MFSD11: variants seen among roughly 807,000 people sequenced by gnomAD.
MFSD11 encodes the protein UNC93-like protein MFSD11.
A neutral mutation model predicts 53.5 loss-of-function variants in MFSD11; 36 were observed. That is an observed-to-expected ratio of 0.67 (90% confidence interval 0.52 to 0.89). The LOEUF is 0.89. MFSD11 is among the 40% of genes least tolerant of loss of function. The pLI is 0.00. For missense variants in MFSD11, 530 were observed against 543.9 expected (o/e 0.97, Z 0.25); for synonymous variants, 186 against 184.9 (o/e 1.01, Z -0.05).
At chr17:76,758,581 CA>C (rs56750819) in intron 8 of MFSD11, among the ~76,000 whole-genome samples, 2,507 of 58,006 alleles carry the variant, frequency 0.043, 16 homozygotes, top group South Asian at 0.081. Flanking sequence ...GACCAGGTCT[CA>C]AAAAAAAAAA....
At chr17:76,769,253 A>G (rs1413363521) in intron 9 of MFSD11, 4 of 153,122 alleles carry the variant, frequency 2.6e-5, no homozygotes, top group African/African-American at 9.6e-5. Flanking sequence ...CTTAAACAAC[A>G]GACACTTATT....
chr17:76,765,181 A>C (rs1450853791), intron 8 of MFSD11, among the ~76,000 whole-genome samples: 2 of 152,028 alleles, frequency 1.3e-5, no homozygotes, highest in Non-Finnish European at 2.9e-5. Context: ...TAATTTTTAC[A>C]TATGGTTTGA....
intron 11 of MFSD11, among the ~76,000 whole-genome samples, chr17:76,775,841 T>C (rs2081780719): frequency 1.3e-5 from 2 of 152,362 alleles, no homozygotes; most frequent in South Asian, 2.1e-4. Flanking sequence ...GAAACACTTC[T>C]GGTCTTGATA....
intron 8 of MFSD11, among the ~76,000 whole-genome samples, chr17:76,757,519 C>T (rs2079773132): frequency 1.3e-5 from 2 of 152,136 alleles, no homozygotes; most frequent in African/African-American, 4.8e-5. Flanking sequence ...CATGACATTC[C>T]TGTGGTTGGG....
intron 8 of MFSD11, among the ~76,000 whole-genome samples, chr17:76,759,347 A>G (rs1384222427): frequency 2.0e-5 from 3 of 151,666 alleles, no homozygotes; most frequent in East Asian, 1.9e-4. Context: ...CAGTGGTTCT[A>G]TCTCAGCTCA....
chr17:76,748,464 G>A (rs538634664), intron 7 of MFSD11, among the ~76,000 whole-genome samples: 1 of 151,904 alleles, frequency 6.6e-6, no homozygotes, highest in African/African-American at 2.4e-5. Flanking sequence ...GAGGCAAGAA[G>A]ATCGCTTGAG....
chr17:76,762,872 CTT>C (rs557000394), intron 8 of MFSD11, among the ~76,000 whole-genome samples: 39 of 143,826 alleles, frequency 2.7e-4, no homozygotes, highest in Non-Finnish European at 3.1e-4. Context: ...CCCCACATTC[CTT>C]TTTTTTTTTT....
chr17:76,800,585 A>C, the MFSD11 span, among the ~76,000 whole-genome samples: 8 of 152,124 alleles, frequency 5.3e-5, no homozygotes, highest in African/African-American at 1.9e-4. Context: ...ACACATAATA[A>C]CCTGTTTGAA....
the MFSD11 span, among the ~76,000 whole-genome samples, chr17:76,798,268 G>T: frequency 1.7e-4 from 26 of 152,250 alleles, 2 homozygotes; most frequent in East Asian, 5.0e-3. Context: ...AGATGTGTAA[G>T]GTGAGCTTGG....
At chr17:76,753,222 T>C (rs1315601069) in intron 7 of MFSD11, among the ~76,000 whole-genome samples, 2 of 152,138 alleles carry the variant, frequency 1.3e-5, no homozygotes, top group African/African-American at 4.8e-5. Context: ...GAATGAAAGC[T>C]AACTTCAAGA....
chr17:76,803,435 A>G, the MFSD11 span, among the ~76,000 whole-genome samples: 1 of 152,198 alleles, frequency 6.6e-6, no homozygotes, highest in African/African-American at 2.4e-5. Context: ...GGACTAACAA[A>G]TTAGCCACAA....
At chr17:76,747,779 G>C (rs1449652769) in intron 7 of MFSD11, among the ~76,000 whole-genome samples, 1 of 152,166 alleles carries the variant, frequency 6.6e-6, no homozygotes, top group Non-Finnish European at 1.5e-5. Flanking sequence ...GCCCATCCCT[G>C]TTTTTAAGGA....
At chr17:76,744,209 A>G in intron 6 of MFSD11, 113 bp from the exon 7 acceptor site, 1 of 1,021,042 alleles carries the variant, frequency 9.8e-7, no homozygotes, top group East Asian at 2.8e-5. Context: ...GATGCATTAA[A>G]GTAAAAATGT....
the MFSD11 span, among the ~76,000 whole-genome samples, chr17:76,790,685 T>C: frequency 0.12 from 16,717 of 143,830 alleles, 4,017 homozygotes; most frequent in African/African-American, 0.4. Context: ...CGGCCGGGCG[T>C]GGTGGCTCAC....
rs781051880 is a variant in MFSD11 at position 76,778,196 on chromosome 17, C to T, written c.1194C>T (p.Cys398=). ...FAIFKFVQSI[C]AAVAFFYSNY... is the part of the protein sequence containing the mutation. ...GTTTTGTTTGTTCTTAGTCTATTTG[C>T]GCAGCCGTGGCATTTTTCTACAGCA... Residue 398 remains cysteine, a synonymous_variant, in exon 13 of 13, where the codon TGC becomes TGT. Coordinates refer to ENST00000685175, the MANE Select transcript of MFSD11 (RefSeq NM_001242532.5). The T allele has an allele frequency of 1.9e-5, 30 of 1,614,042 alleles. No homozygotes were observed. The highest frequency in any genetic ancestry group is 5.0e-5 in the Admixed American group (3 of 59,984).
At chr17:76,793,066 C>T in the MFSD11 span, among the ~76,000 whole-genome samples, 6 of 151,352 alleles carry the variant, frequency 4.0e-5, no homozygotes, top group Non-Finnish European at 7.4e-5. Context: ...GGAGGCAGGG[C>T]GAGATCACAG....
At chr17:76,794,689 T>G in the MFSD11 span, among the ~76,000 whole-genome samples, 1 of 3,714 alleles carries the variant, frequency 2.7e-4, no homozygotes, top group Admixed American at 3.9e-3. Flanking sequence ...CTTTTTTTTT[T>G]TTTTTTTTTT....
At chr17:76,792,808 A>AG in the MFSD11 span, among the ~76,000 whole-genome samples, 2 of 151,512 alleles carry the variant, frequency 1.3e-5, no homozygotes, top group African/African-American at 4.9e-5. Flanking sequence ...ATAGTCATGT[A>AG]GGTTCTTTTC....
At chr17:76,744,980 G>T (rs1359500498) in intron 7 of MFSD11, among the ~76,000 whole-genome samples, 1 of 152,160 alleles carries the variant, frequency 6.6e-6, no homozygotes, top group Non-Finnish European at 1.5e-5. Context: ...GTTTTCCCCA[G>T]AGTGGTCCAA....
Sources: gnomAD v4.1 joint callset for allele counts (sites outside exome capture counted in the v4.1 genomes callset) on GRCh38, gnomAD v4.1.1 for gene constraint, MANE v1.5 for transcripts, NCBI Gene and HGNC (gene_info 2026-07-23, HGNC 2026-07-21) for gene names.